CNTNAP5: variants seen among roughly 807,000 people sequenced by gnomAD.
CNTNAP5 encodes contactin-associated protein-like 5.
Under a neutral mutation model 150.2 loss-of-function variants are expected in CNTNAP5, and 72 were observed. The observed-to-expected ratio is 0.48, with a 90% CI of 0.40 to 0.58. The LOEUF is 0.58. Ranked by LOEUF, CNTNAP5 falls within the 20% of genes least tolerant of loss-of-function variation. The pLI is 0.00. For synonymous variants in CNTNAP5, 672 were observed against 619.8 expected (o/e 1.08, Z -1.25); for missense variants, 1,636 against 1,626.2 (o/e 1.01, Z -0.10).
At chr2:124,848,206 G>A (rs10172428) in intron 19 of CNTNAP5, among the ~76,000 whole-genome samples, 4 of 152,166 alleles carry the variant, frequency 2.6e-5, no homozygotes, top group East Asian at 3.9e-4. Flanking sequence ...CCTGGAAACC[G>A]CTATTCTACC....
chr2:124,798,053 T>A lies in CNTNAP5; in HGVS notation c.2993-43T>A, dbSNP rs922008096. 3 of 1,453,190 alleles carry A rather than the reference T, an allele frequency of 2.1e-6. No homozygotes were observed. The East Asian group carries it at 7.2e-5, about 35-fold the overall frequency. 90.0% of individuals were successfully genotyped at this position (1,453,190 alleles called of 1,614,324 possible). Reference sequence around the variant, plus strand: ...AGCTAAGGTTAGCTTGAACAATGGATCTAAAGGTTTCAATGTGTGCTCTCC... The same window carrying A: ...AGCTAAGGTTAGCTTGAACAATGGAACTAAAGGTTTCAATGTGTGCTCTCC... On this transcript the variant is annotated intron_variant, in intron 18 of 23. Coordinates refer to ENST00000682447, the MANE Select transcript of CNTNAP5 (RefSeq NM_001367498.1).
intron 3 of CNTNAP5, among the ~76,000 whole-genome samples, chr2:124,390,224 C>A (rs1344583339): frequency 6.6e-6 from 1 of 152,146 alleles, no homozygotes; most frequent in African/African-American, 2.4e-5. Flanking sequence ...TCTTTCTCTG[C>A]CTTCCTTTTT....
At chr2:124,173,583 T>C (rs1684987716) in intron 1 of CNTNAP5, among the ~76,000 whole-genome samples, 1 of 152,182 alleles carries the variant, frequency 6.6e-6, no homozygotes, top group African/African-American at 2.4e-5. Context: ...AAGCCTTAAC[T>C]CCTTTCCATT....
At chr2:124,835,254 G>C (rs1283474111) in intron 19 of CNTNAP5, among the ~76,000 whole-genome samples, 1 of 94,004 alleles carries the variant, frequency 1.1e-5, no homozygotes, top group Non-Finnish European at 2.6e-5. Context: ...TGGACACTCA[G>C]GTTAATTTAA....
rs1044358433 is a variant in CNTNAP5 at position 124,918,833 on chromosome 2, C to T, written c.*4545C>T. 2.0e-5 allele frequency among the ~76,000 whole-genome samples: 3 copies of T among 152,014 alleles called. No homozygotes were observed. The highest frequency in any genetic ancestry group is 4.4e-5 in the Non-Finnish European group (3 of 68,002). On this transcript the variant is annotated 3_prime_UTR_variant, in exon 24 of 24. Coordinates refer to ENST00000682447, the MANE Select transcript of CNTNAP5 (RefSeq NM_001367498.1). The stretch of plus-strand genomic sequence containing the variant: ...TCATTGTTTCTGAAGATGGCAAAGG[C>T]GATTAATGGAAGAAGATGCAGACAA...
chr2:124,853,656 T>A (rs1391256754), intron 19 of CNTNAP5, among the ~76,000 whole-genome samples: 2 of 152,198 alleles, frequency 1.3e-5, no homozygotes, highest in African/African-American at 4.8e-5. Flanking sequence ...TCCACGCATT[T>A]TTTTTAACTT....
At chr2:124,613,689 G>A (rs772416821) in intron 12 of CNTNAP5, among the ~76,000 whole-genome samples, 2 of 152,276 alleles carry the variant, frequency 1.3e-5, no homozygotes, top group African/African-American at 2.4e-5. Context: ...TATATGCAAA[G>A]TAGTCCCTAA....
rs569499485 is a variant in CNTNAP5 at position 124,532,856 on chromosome 2, C to G, written c.1649+5400C>G. On this transcript the variant is annotated intron_variant, in intron 10 of 23. Coordinates refer to ENST00000682447, the MANE Select transcript of CNTNAP5 (RefSeq NM_001367498.1). ...GGTGTTCAATTGCATGACTGGAATG[C>G]GGTAGATGCTCAGTAAATGTTCACT... Among the ~76,000 whole-genome samples, 3 of 152,090 alleles carry G rather than the reference C, an allele frequency of 2.0e-5. 1 individual carries two copies. Among genetic ancestry groups the G allele is most frequent in the Admixed American group, 6.5e-5 (1 of 15,268 alleles).
chr2:124,070,484 A>G (rs1279330005), intron 1 of CNTNAP5, among the ~76,000 whole-genome samples: 1 of 151,684 alleles, frequency 6.6e-6, no homozygotes, highest in Admixed American at 6.6e-5. Flanking sequence ...CAGACTGAAA[A>G]TGAAGGAATG....
chr2:124,284,606 G>A (rs1253191489), intron 3 of CNTNAP5, among the ~76,000 whole-genome samples: 1 of 151,888 alleles, frequency 6.6e-6, no homozygotes, highest in East Asian at 1.9e-4. Flanking sequence ...ATGTATCCTG[G>A]AACTTAAGAT....
chr2:124,905,891 A>G (rs1483102467), intron 22 of CNTNAP5, among the ~76,000 whole-genome samples: 1 of 152,144 alleles, frequency 6.6e-6, no homozygotes, highest in Non-Finnish European at 1.5e-5. Flanking sequence ...CTTGGCCTTG[A>G]GTGATTTAAG....
At chr2:124,705,891 C>T (rs12991893) in intron 13 of CNTNAP5, among the ~76,000 whole-genome samples, 24,705 of 152,100 alleles carry the variant, frequency 0.16, 2,277 homozygotes, top group East Asian at 0.24. Context: ...TCATGCTTTA[C>T]CACCTGGTCA....
At chr2:124,798,717 T>C (rs568227209) in intron 19 of CNTNAP5, among the ~76,000 whole-genome samples, 1 of 152,320 alleles carries the variant, frequency 6.6e-6, no homozygotes, top group Middle Eastern at 3.4e-3. Flanking sequence ...ACAATGAGCA[T>C]ACATGCAGGC....
At chr2:124,030,350 G>C (rs116685950) in intron 1 of CNTNAP5, among the ~76,000 whole-genome samples, 1 of 152,012 alleles carries the variant, frequency 6.6e-6, no homozygotes, top group African/African-American at 2.4e-5. Flanking sequence ...AGTACAGCTA[G>C]GTATACTTAC....
chr2:124,418,670 G>A (rs1691994071), intron 4 of CNTNAP5, among the ~76,000 whole-genome samples: 1 of 152,130 alleles, frequency 6.6e-6, no homozygotes, highest in Admixed American at 6.5e-5. Flanking sequence ...TAGAACAGAT[G>A]CATCAACAAA....
chr2:124,267,237 G>T (rs1221018451), intron 3 of CNTNAP5, among the ~76,000 whole-genome samples: 1 of 152,186 alleles, frequency 6.6e-6, no homozygotes, highest in African/African-American at 2.4e-5. Flanking sequence ...TGTGAAAACT[G>T]AGTCTTGAAC....
At chr2:124,851,575 A>T (rs10206035) in intron 19 of CNTNAP5, among the ~76,000 whole-genome samples, 7 of 152,070 alleles carry the variant, frequency 4.6e-5, no homozygotes, top group Admixed American at 1.3e-4. Flanking sequence ...GAAAGTCAGC[A>T]CATAGGGGTT....
chr2:124,684,054 T>G (rs889781653), intron 13 of CNTNAP5, among the ~76,000 whole-genome samples: 1 of 152,220 alleles, frequency 6.6e-6, no homozygotes, highest in African/African-American at 2.4e-5. Context: ...AACAGACCAT[T>G]TGCAAAATTA....
intron 1 of CNTNAP5, among the ~76,000 whole-genome samples, chr2:124,109,299 CCA>C (rs1463587851): frequency 6.6e-6 from 1 of 152,172 alleles, no homozygotes; most frequent in African/African-American, 2.4e-5. Context: ...GCCCCAAACC[CCA>C]CTCAGCCCTC....
Sources: gnomAD v4.1 joint callset for allele counts (sites outside exome capture counted in the v4.1 genomes callset) on GRCh38, gnomAD v4.1.1 for gene constraint, MANE v1.5 for transcripts, NCBI Gene and HGNC (gene_info 2026-07-23, HGNC 2026-07-21) for gene names.